Variants in ROBO1 observed in about 807,000 individuals in gnomAD.
ROBO1 encodes roundabout guidance receptor 1.
A neutral mutation model predicts 195.9 loss-of-function variants in ROBO1; 149 were observed. That is an observed-to-expected ratio of 0.76 (90% CI 0.67 to 0.87). ROBO1 has a LOEUF of 0.87. Ranked by LOEUF, ROBO1 falls within the 40% of genes least tolerant of loss-of-function variation. The pLI, the probability that ROBO1 is intolerant of heterozygous loss-of-function variation, is 0.00. For missense variants in ROBO1, 1,933 were observed against 2,068.3 expected (o/e 0.93, Z 1.27); for synonymous variants, 816 against 733.2 (o/e 1.11, Z -1.82).
intron 1 of ROBO1, among the ~76,000 whole-genome samples, chr3:79,683,058 T>C (rs905063373): frequency 6.6e-6 from 1 of 152,080 alleles, no homozygotes; most frequent in African/African-American, 2.4e-5. Context: ...CTTGTAGTAT[T>C]ATCTGATTTA....
chr3:78,981,435 C>T (rs1576506984), intron 3 of ROBO1, among the ~76,000 whole-genome samples: 1 of 152,140 alleles, frequency 6.6e-6, no homozygotes, highest in South Asian at 2.1e-4. Flanking sequence ...ACATTAAATA[C>T]TGAACTTCTT....
chr3:79,030,966 C>A (rs969307867), intron 3 of ROBO1, among the ~76,000 whole-genome samples: 3 of 152,216 alleles, frequency 2.0e-5, no homozygotes, highest in African/African-American at 7.2e-5. Flanking sequence ...AGGTGATCCA[C>A]CCGCCTCTGC....
intron 3 of ROBO1, among the ~76,000 whole-genome samples, chr3:79,096,367 T>C (rs962440460): frequency 1.2e-4 from 18 of 151,820 alleles, no homozygotes; most frequent in African/African-American, 4.4e-4. Context: ...CAAAAGTAAA[T>C]AAATAGAGAT....
At chr3:79,618,997 T>G (rs1944912480) in intron 1 of ROBO1, among the ~76,000 whole-genome samples, 1 of 120,942 alleles carries the variant, frequency 8.3e-6, no homozygotes, top group Admixed American at 8.4e-5. Context: ...CTGATCATCA[T>G]GCGGACACCT....
At chr3:78,942,753 G>A (rs961641169) in intron 3 of ROBO1, among the ~76,000 whole-genome samples, 1 of 152,040 alleles carries the variant, frequency 6.6e-6, no homozygotes, top group African/African-American at 2.4e-5. Flanking sequence ...AACTTCCTGG[G>A]GAAGCCAGGC....
In ROBO1 at chr3:79,344,412, A is replaced by T. The variant is rs188370061; in HGVS notation, c.89-218873T>A. ...TCACCTCTCTCCACAGCAAAGAACG[A>T]TTGGCCAGCATGTCAACAATGCCAA... On this transcript the variant is annotated intron_variant, in intron 2 of 30. Transcript: ENST00000464233. Among the ~76,000 whole-genome samples the T allele has an allele frequency of 7.9e-5, 12 of 152,306 alleles. 1 individual carries two copies. The highest frequency in any genetic ancestry group is 1.7e-4 in the African/African-American group (7 of 41,580).
chr3:79,054,868 A>G (rs913449163), intron 3 of ROBO1, among the ~76,000 whole-genome samples: 1 of 152,088 alleles, frequency 6.6e-6, no homozygotes, highest in Non-Finnish European at 1.5e-5. Flanking sequence ...TCAGACCAAC[A>G]TTGCGTTTCC....
rs909426709 is a variant in ROBO1, at chr3:79,091,002, G to T, written c.172+34454C>A. ...TTATGCTAAGTTTAGATTTCAGAAA[G>T]AGTGCGTTCTCTTTTATGCTTTCAG... On this transcript the variant is annotated intron_variant, in intron 3 of 30. Transcript: ENST00000464233. Among the ~76,000 whole-genome samples the T allele has an allele frequency of 6.0e-4, 91 of 152,038 alleles. 1 individual carries two copies. The highest frequency in any genetic ancestry group is 7.4e-5 in the Non-Finnish European group (5 of 68,016).
At chr3:79,285,851 G>A (rs1484840925) in intron 2 of ROBO1, among the ~76,000 whole-genome samples, 1 of 151,906 alleles carries the variant, frequency 6.6e-6, no homozygotes, top group Non-Finnish European at 1.5e-5. Flanking sequence ...TAATGGCTTA[G>A]ACTTAAAATG....
chr3:79,065,136 A>T (rs2078983330), intron 3 of ROBO1, among the ~76,000 whole-genome samples: 1 of 151,992 alleles, frequency 6.6e-6, no homozygotes, highest in Admixed American at 6.6e-5. Flanking sequence ...TACATGAGTT[A>T]AAAACCCATT....
chr3:79,195,647 CA>C (rs1559727423), intron 2 of ROBO1, among the ~76,000 whole-genome samples: 1 of 151,376 alleles, frequency 6.6e-6, no homozygotes, highest in Non-Finnish European at 1.5e-5. Context: ...GTATTGATAA[CA>C]AAATATAAAC....
chr3:78,860,326 A>ATATATTTT (rs376853384), intron 4 of ROBO1, among the ~76,000 whole-genome samples: 5,050 of 93,372 alleles, frequency 0.054, 230 homozygotes, highest in Admixed American at 0.085. Context: ...ATATATATAT[A>ATATATTTT]TTTTTTTTTT....
intron 2 of ROBO1, among the ~76,000 whole-genome samples, chr3:79,465,076 A>G (rs756926611): frequency 5.3e-5 from 8 of 152,214 alleles, no homozygotes; most frequent in African/African-American, 7.2e-5. Flanking sequence ...CGTATTCTTA[A>G]TAACAGATAC....
intron 2 of ROBO1, among the ~76,000 whole-genome samples, chr3:79,357,775 T>C (rs1263976746): frequency 6.6e-6 from 1 of 152,174 alleles, no homozygotes; most frequent in African/African-American, 2.4e-5. Context: ...TAAGTTTAAT[T>C]GCTAACCTCT....
At chr3:78,877,014 T>G (rs914163878) in intron 4 of ROBO1, among the ~76,000 whole-genome samples, 1 of 152,136 alleles carries the variant, frequency 6.6e-6, no homozygotes, top group South Asian at 2.1e-4. Context: ...TCTCTGCACA[T>G]TCAATAGGAC....
intron 22 of ROBO1, 77 bp downstream of exon 22, chr3:78,639,667 G>C (rs1705803576): frequency 5.9e-6 from 8 of 1,360,678 alleles, no homozygotes; most frequent in Middle Eastern, 2.1e-4. Context: ...TTCCCATGTA[G>C]GGAGAGGGAA....
intron 3 of ROBO1, among the ~76,000 whole-genome samples, chr3:79,044,494 T>G (rs1330098613): frequency 2.6e-5 from 4 of 152,152 alleles, no homozygotes; most frequent in Non-Finnish European, 5.9e-5. Context: ...TAATATCTGG[T>G]TCCTCCACAA....
intron 3 of ROBO1, among the ~76,000 whole-genome samples, chr3:78,982,806 A>G (rs986108687): frequency 6.6e-6 from 1 of 151,970 alleles, no homozygotes; most frequent in African/African-American, 2.4e-5. Flanking sequence ...TTTTATAGAG[A>G]TGGGGTTTCA....
intron 4 of ROBO1, among the ~76,000 whole-genome samples, chr3:78,861,924 G>T (rs548727591): frequency 2.0e-5 from 3 of 152,282 alleles, no homozygotes; most frequent in African/African-American, 7.2e-5. Context: ...CTTATATTTA[G>T]AATATTTAGA....
Sources: gnomAD v4.1 joint callset for allele counts (sites outside exome capture counted in the v4.1 genomes callset) on GRCh38, gnomAD v4.1.1 for gene constraint, MANE v1.5 for transcripts, NCBI Gene and HGNC (gene_info 2026-07-23, HGNC 2026-07-21) for gene names.